Variants in ZFHX3 observed in about 807,000 individuals in gnomAD.
ZFHX3 encodes zinc finger homeobox protein 3.
A neutral mutation model predicts 279.1 loss-of-function variants in ZFHX3; 42 were observed. That is an observed-to-expected ratio of 0.15 (90% CI 0.12 to 0.19). The LOEUF is 0.19. Ranked by LOEUF, ZFHX3 falls within the 10% of genes least tolerant of loss-of-function variation. ZFHX3 has a pLI of 1.00. For synonymous variants in ZFHX3, 2,293 were observed against 1,957.8 expected (o/e 1.17, Z -4.52); for missense variants, 4,981 against 4,754.0 (o/e 1.05, Z -1.40).
chr16:73,204,247 C>A (rs1322144667), intron 5 of ZFHX3, among the ~76,000 whole-genome samples: 2 of 150,918 alleles, frequency 1.3e-5, no homozygotes, highest in Non-Finnish European at 2.9e-5. Context: ...TTACTGTGCA[C>A]TTTATTTCTA....
At chr16:73,193,436 A>G (rs573696633) in intron 5 of ZFHX3, among the ~76,000 whole-genome samples, 8 of 152,214 alleles carry the variant, frequency 5.3e-5, no homozygotes, top group Non-Finnish European at 5.9e-5. Context: ...CTGAAGGTCG[A>G]TGCTCAACCA....
rs527710143 is a variant in ZFHX3 at position 72,969,946 on chromosome 16, C to T, written c.-49-9752G>A. 3.3e-5 allele frequency among the ~76,000 whole-genome samples: 5 copies of T among 152,328 alleles called. No homozygotes were observed. In the South Asian group the frequency reaches 6.2e-4, roughly 19 times the overall value. On this transcript the variant is annotated intron_variant, in intron 1 of 9. Transcript: ENST00000268489. ...TGCTTGAACAGGCGCCTTGTGCTGC[C>T]GGACGCCCACTGCCCAGAAGGCCCA...
chr16:72,917,083 A>C (rs1054349613), intron 3 of ZFHX3, among the ~76,000 whole-genome samples: 5 of 152,162 alleles, frequency 3.3e-5, no homozygotes, highest in African/African-American at 4.8e-5. Flanking sequence ...TACAAAAAAA[A>C]CACAAAAATT....
At chr16:73,216,062 G>C (rs182000344) in intron 5 of ZFHX3, among the ~76,000 whole-genome samples, 78 of 152,302 alleles carry the variant, frequency 5.1e-4, no homozygotes, top group African/African-American at 1.1e-3. Flanking sequence ...GCAATGTGGA[G>C]TCAAGCTCAG....
intron 1 of ZFHX3, among the ~76,000 whole-genome samples, chr16:73,753,562 A>C (rs1440937520): frequency 1.3e-5 from 2 of 152,170 alleles, no homozygotes; most frequent in Non-Finnish European, 2.9e-5. Context: ...AACAGCCCAT[A>C]AGGTGCTGGC....
chr16:73,298,039 C>T (rs1002365315), intron 4 of ZFHX3, among the ~76,000 whole-genome samples: 1 of 151,132 alleles, frequency 6.6e-6, no homozygotes, highest in South Asian at 2.1e-4. Context: ...AAATAAATAA[C>T]AATTAGCCAG....
At chr16:72,821,582 T>C (rs1022986308) in intron 5 of ZFHX3, among the ~76,000 whole-genome samples, 2 of 152,210 alleles carry the variant, frequency 1.3e-5, no homozygotes, top group Admixed American at 1.3e-4. Context: ...TAAGGCCAAG[T>C]TCTCTTTACC....
Position 72,788,209 on chromosome 16 carries a change from G to T in ZFHX3, c.10067C>A (p.Ser3356Tyr). Reference sequence around the variant, plus strand: ...GTACTGCTGCAGTAGGGAGCCTGGGGACAGCCCCATCAGGGCCTGCGACAG... The same window carrying T: ...GTACTGCTGCAGTAGGGAGCCTGGGTACAGCCCCATCAGGGCCTGCGACAG... Reference protein sequence around the residue: ...PALSQALMGLSPGSLLQQYQQ... With the variant: ...PALSQALMGLYPGSLLQQYQQ... The change falls in exon 10 of 10, where the codon TCC becomes TAC. Residue 3356 changes from serine (S) to tyrosine (Y), a missense_variant. Ser to Tyr is a moderately radical substitution (Grantham distance 144). Transcript: ENST00000268489. 1 of 1,613,102 alleles carries T rather than the reference G, an allele frequency of 6.2e-7. No homozygotes were observed. The highest frequency in any genetic ancestry group is 8.5e-7 in the Non-Finnish European group (1 of 1,179,354).
intron 2 of ZFHX3, among the ~76,000 whole-genome samples, chr16:73,498,367 G>T (rs2019177418): frequency 6.6e-6 from 1 of 152,162 alleles, no homozygotes. Flanking sequence ...ATGTCAGTTG[G>T]TTCCGTGAGT....
chr16:73,786,492 G>C (rs918861164), intron 1 of ZFHX3, among the ~76,000 whole-genome samples: 9 of 152,306 alleles, frequency 5.9e-5, no homozygotes, highest in African/African-American at 2.2e-4. Context: ...TCAGCTGACA[G>C]TATCTGTACA....
intron 2 of ZFHX3, among the ~76,000 whole-genome samples, chr16:73,554,028 G>C (rs920391412): frequency 6.6e-6 from 1 of 152,170 alleles, no homozygotes; most frequent in Admixed American, 6.5e-5. Flanking sequence ...CACAGTACAA[G>C]GGGGGAAATG....
At chr16:73,727,423 C>T (rs543092231) in intron 1 of ZFHX3, among the ~76,000 whole-genome samples, 2 of 152,290 alleles carry the variant, frequency 1.3e-5, no homozygotes, top group African/African-American at 4.8e-5. Context: ...GTGCTCAAAT[C>T]TTTCATTAAC....
intron 2 of ZFHX3, among the ~76,000 whole-genome samples, chr16:73,586,744 G>A (rs753635394): frequency 5.3e-5 from 8 of 152,092 alleles, no homozygotes; most frequent in Non-Finnish European, 1.2e-4. Context: ...CAAATATATG[G>A]AGGATCTGAA....
At chr16:73,838,043 G>A (rs1961190615) in intron 1 of ZFHX3, among the ~76,000 whole-genome samples, 1 of 152,166 alleles carries the variant, frequency 6.6e-6, no homozygotes, top group Non-Finnish European at 1.5e-5. Context: ...GACATAACAT[G>A]GTTGGCTCAT....
chr16:73,069,824 A>G (rs1965800852), intron 8 of ZFHX3, among the ~76,000 whole-genome samples: 2 of 152,214 alleles, frequency 1.3e-5, no homozygotes, highest in Admixed American at 6.5e-5. Flanking sequence ...ACTGGTCATA[A>G]TGGTATATCC....
intron 4 of ZFHX3, among the ~76,000 whole-genome samples, chr16:72,868,150 C>G (rs900870031): frequency 2.2e-4 from 34 of 152,192 alleles, no homozygotes; most frequent in African/African-American, 8.0e-4. Flanking sequence ...ATAAGTAATA[C>G]ATAAATGTAA....
intron 1 of ZFHX3, among the ~76,000 whole-genome samples, chr16:73,743,569 C>T (rs546261850): frequency 6.6e-6 from 1 of 152,160 alleles, no homozygotes; most frequent in African/African-American, 2.4e-5. Flanking sequence ...CTGACAATTA[C>T]CTATACTTTA....
intron 2 of ZFHX3, among the ~76,000 whole-genome samples, chr16:73,502,900 C>A (rs1304535094): frequency 1.3e-5 from 2 of 152,258 alleles, no homozygotes; most frequent in Non-Finnish European, 1.5e-5. Context: ...TCAGTCTTGG[C>A]TCCTTGTAGC....
At chr16:73,386,690 C>T (rs1387477420) in intron 3 of ZFHX3, 1 of 151,622 alleles carries the variant, frequency 6.6e-6, no homozygotes, top group East Asian at 1.9e-4. Flanking sequence ...GGTTCAAGAG[C>T]CCTACACAGT....
Sources: allele counts gnomAD v4.1 joint callset (sites outside exome capture counted in the v4.1 genomes callset), GRCh38; gene constraint gnomAD v4.1.1; transcripts MANE v1.5; gene names NCBI Gene and HGNC (gene_info 2026-07-23, HGNC 2026-07-21).